Variants in SHOX observed in about 807,000 individuals in gnomAD.
SHOX encodes short stature homeobox protein.
Under a neutral mutation model 29.6 loss-of-function variants are expected in SHOX, and 12 were observed. The observed-to-expected ratio is 0.41, with a 90% CI of 0.26 to 0.66. The LOEUF is 0.66. Ranked by LOEUF, SHOX falls within the 30% of genes least tolerant of loss-of-function variation. The pLI, the probability that SHOX is intolerant of heterozygous loss-of-function variation, is 0.35. For missense variants in SHOX, 499 were observed against 437.7 expected (o/e 1.14, Z -1.25); for synonymous variants, 214 against 200.6 (o/e 1.07, Z -0.57).
At chrX:654,506 G>A (rs1194677720), downstream of SHOX, among the ~76,000 whole-genome samples, 2 of 151,818 alleles carry the variant, frequency 1.3e-5, no homozygotes, top group Non-Finnish European at 1.5e-5. Flanking sequence ...TTCTAAAAAG[G>A]CTATAAAAAA....
At chrX:634,061 G>T (rs2052694800) in intron 1 of SHOX, among the ~76,000 whole-genome samples, 1 of 152,208 alleles carries the variant, frequency 6.6e-6, no homozygotes, top group African/African-American at 2.4e-5. Flanking sequence ...GCGCGGTGGC[G>T]CATTCAGGTA....
chrX:656,571 G>A (rs767097300), downstream of SHOX, among the ~76,000 whole-genome samples: 16 of 152,168 alleles, frequency 1.1e-4, no homozygotes, highest in African/African-American at 3.9e-4. Context: ...GTCAGCTGTG[G>A]TGGCTCAAGC....
At chrX:634,884 G>C in intron 2 of SHOX, 58 bp downstream of exon 2, 1 of 1,517,658 alleles carries the variant, frequency 6.6e-7, no homozygotes, top group Non-Finnish European at 8.9e-7. Flanking sequence ...CCTCGGGAGC[G>C]CACAGCACGC....
upstream of SHOX, among the ~76,000 whole-genome samples, chrX:625,888 CCT>C (rs777237891): frequency 1.9e-4 from 22 of 118,414 alleles, no homozygotes; most frequent in South Asian, 6.8e-3. Context: ...TTCTCTCTCT[CCT>C]CTCTCTCTTT....
chrX:634,467 C>T (rs2052705482), intron 1 of SHOX, 151 bp from the exon 2 acceptor site: 1 of 782,502 alleles, frequency 1.3e-6, no homozygotes, highest in African/African-American at 1.7e-5. Flanking sequence ...GTATCCTCCT[C>T]GGCTTTTGCC....
intron 4 of SHOX, among the ~76,000 whole-genome samples, chrX:642,059 G>A (rs752999646): frequency 1.3e-5 from 2 of 152,300 alleles, no homozygotes; most frequent in East Asian, 1.9e-4. Context: ...AGGGAGTCGG[G>A]GTTCGGTCGC....
rs565447976 is a variant in SHOX, at chrX:657,005, CA to C, written c.634-1766del. ...TGGGCAACAGAGCAAGACTCTGTCT[CA>C]AAAAAAAAAAAAATGCTGCCCAAGC... is the stretch of plus-strand genomic sequence containing the variant. On this transcript the variant is annotated intron_variant, in intron 5 of 5. Transcript: ENST00000334060. 7.0e-3 allele frequency among the ~76,000 whole-genome samples: 96 copies of C among 13,726 alleles called. 11 individuals are homozygous for C. Among genetic ancestry groups the C allele is most frequent in the African/African-American group, 0.028 (44 of 1,544 alleles). The allele number at this position is 13,726 out of a possible 152,430, so 9.0% of individuals were successfully genotyped here.
chrX:644,642 C>T lies in SHOX; in HGVS notation c.*6C>T, dbSNP rs767569050. The T allele has an allele frequency of 4.1e-6, 6 of 1,457,776 alleles. No individual in the cohort carries two copies. In the South Asian group the frequency reaches 5.4e-5, roughly 13 times the overall value. 90.3% of individuals were successfully genotyped at this position (1,457,776 alleles called of 1,614,324 possible). A position where few individuals can be genotyped will look rare whatever the true frequency, so the allele number is the denominator to read the frequency against. ...CGGAGGCCCTGGGGCTCTGACCCGC[C>T]GCGCAGCCCCCCGCGCGCCCGGACT... is the stretch of plus-strand genomic sequence containing the variant. On this transcript the variant is annotated 3_prime_UTR_variant, in exon 5 of 5. Coordinates refer to ENST00000686671, the MANE Select transcript of SHOX (RefSeq NM_000451.4).
At position 651,430 on chromosome X, in the gene SHOX, A is replaced by T; in HGVS notation, c.*6794A>T. ...ACAAACAGAAAAAAAAACCAAAAAAAACCACCCTGAGTTTCTCTGGTGACG... is the reference window on the plus strand; with the variant it reads ...ACAAACAGAAAAAAAAACCAAAAAATACCACCCTGAGTTTCTCTGGTGACG... On this transcript the variant is annotated 3_prime_UTR_variant, in exon 5 of 5. Coordinates refer to ENST00000686671, the MANE Select transcript of SHOX (RefSeq NM_000451.4). The T allele has an allele frequency of 2.2e-6, 1 of 453,870 alleles. No homozygotes were observed. Among genetic ancestry groups the T allele is most frequent in the South Asian group, 1.6e-5 (1 of 63,726 alleles). The allele number at this position is 453,870 out of a possible 1,614,324, so 28.1% of individuals were successfully genotyped here.
At chrX:627,182 G>A (rs1429664943), upstream of SHOX, among the ~76,000 whole-genome samples, 7 of 152,160 alleles carry the variant, frequency 4.6e-5, no homozygotes, top group Non-Finnish European at 8.8e-5. Flanking sequence ...GCCTGCAGCC[G>A]CCTGCTGTAA....
chrX:636,198 A>G (rs1297359664), intron 2 of SHOX, among the ~76,000 whole-genome samples: 7 of 147,216 alleles, frequency 4.8e-5, no homozygotes, highest in Non-Finnish European at 8.9e-5. Flanking sequence ...TAATCTATAT[A>G]CATATATAAA....
chrX:644,492 CT>C lies in SHOX; in HGVS notation c.737del (p.Phe246SerfsTer161). 1 of 1,523,246 alleles carries C rather than the reference CT, an allele frequency of 6.6e-7. No homozygotes were observed. Among genetic ancestry groups the C allele is most frequent in the Non-Finnish European group, 8.8e-7 (1 of 1,142,382 alleles). 94.4% of individuals were successfully genotyped at this position (1,523,246 alleles called of 1,614,324 possible). On this transcript the variant is annotated frameshift_variant, in exon 5 of 5. Coordinates refer to ENST00000686671, the MANE Select transcript of SHOX (RefSeq NM_000451.4). LOFTEE classifies it high-confidence loss of function. The stretch of plus-strand genomic sequence containing the variant: ...CCTACCTGATGTTCCCCCCGCCGCC[CT>C]TCGGGCTGCCCATCGCGTCGCTGGC... ...APYLMFPPPP[F>X]GLPIASLAES...
upstream of SHOX, among the ~76,000 whole-genome samples, chrX:627,648 G>A (rs1203625212): frequency 3.3e-5 from 5 of 149,814 alleles, no homozygotes; most frequent in African/African-American, 7.6e-5. Context: ...CTTTTTCTCC[G>A]AGGCCGAGGG....
At chrX:631,294 T>A in intron 1 of SHOX, 120 bp downstream of exon 1, 1 of 1,300,882 alleles carries the variant, frequency 7.7e-7, no homozygotes, top group Non-Finnish European at 1.1e-6. Flanking sequence ...CTCGCCAGGG[T>A]AAGGCCCGGG....
At chrX:624,632 T>C (rs1165367856) in intron 1 of SHOX, 1 of 152,082 alleles carries the variant, frequency 6.6e-6, no homozygotes, top group Non-Finnish European at 1.5e-5. Flanking sequence ...TTTCCTTTTC[T>C]TTTCCAGAAA....
At position 647,202 on chromosome X, in the gene SHOX, G is replaced by T. The variant is rs1185496092; in HGVS notation, c.*2566G>T. ...AGCCATTCTCCTGCCTCAGCCTCCC[G>T]AGTAGCTGGGATTACAGGCACCTGC... On this transcript the variant is annotated 3_prime_UTR_variant, in exon 5 of 5. Transcript: ENST00000686671. 6.6e-6 allele frequency among the ~76,000 whole-genome samples: 1 copy of T among 152,066 alleles called. No homozygotes were observed. The highest frequency in any genetic ancestry group is 1.5e-5 in the Non-Finnish European group (1 of 68,032).
intron 2 of SHOX, among the ~76,000 whole-genome samples, chrX:635,802 G>T (rs182667967): frequency 6.6e-6 from 1 of 151,990 alleles, no homozygotes. Context: ...TCCCCTGGAA[G>T]GTCAACTCCT....
rs759855922 is a variant in SHOX at position 630,844 on chromosome X, G to C, written c.-54G>C. The C allele has an allele frequency of 3.5e-5, 57 of 1,607,580 alleles. No homozygotes were observed. The African/African-American group carries it at 6.3e-4, about 18-fold the overall frequency. ...CGCGCACGGGCCGTCCTCTCCGCGC[G>C]GGGAGACGCGCGCATCCACCAGCCC... On this transcript the variant is annotated 5_prime_UTR_variant, in exon 1 of 5. Transcript: ENST00000686671.
rs2053032067 is a variant in SHOX at position 650,121 on chromosome X, G to A, written c.*5485G>A. On this transcript the variant is annotated 3_prime_UTR_variant, in exon 5 of 5. Coordinates refer to ENST00000686671, the MANE Select transcript of SHOX (RefSeq NM_000451.4). ...TTGTTTCACAGGCAGTGGTGACAGG[G>A]CCCCTTGGCTGTGGCTGTCTTCTCC... is the stretch of plus-strand genomic sequence containing the variant. 1 of 427,976 alleles carries A rather than the reference G, an allele frequency of 2.3e-6. No individual in the cohort carries two copies. The highest frequency in any genetic ancestry group is 1.7e-5 in the South Asian group (1 of 57,914). 26.5% of individuals were successfully genotyped at this position (427,976 alleles called of 1,614,324 possible). A position where few individuals can be genotyped will look rare whatever the true frequency, so the allele number is the denominator to read the frequency against.
Sources: gnomAD v4.1 joint callset for allele counts (sites outside exome capture counted in the v4.1 genomes callset) on GRCh38, gnomAD v4.1.1 for gene constraint, MANE v1.5 for transcripts, NCBI Gene and HGNC (gene_info 2026-07-23, HGNC 2026-07-21) for gene names.